SYNE2: variants seen among roughly 807,000 people sequenced by gnomAD.
The protein encoded by SYNE2 is spectrin repeat containing nuclear envelope protein 2.
SYNE2 carries 431 observed loss-of-function variants against 856.3 expected under a neutral mutation model. The ratio of observed to expected loss-of-function variants is 0.50; its 90% CI spans 0.47 to 0.55. The LOEUF (loss-of-function observed/expected upper bound fraction) is 0.55. Ranked by LOEUF, SYNE2 falls within the 20% of genes least tolerant of loss-of-function variation. SYNE2 has a pLI of 0.00. For synonymous variants in SYNE2, 2,923 were observed against 2,872.3 expected, an observed-to-expected ratio of 1.02 and a Z score of -0.56; for missense variants, 8,129 against 8,023.2, an observed-to-expected ratio of 1.01 and a Z score of -0.50.
intron 65 of SYNE2, among the ~76,000 whole-genome samples, chr14:64,110,701 T>TA (rs1471879735): frequency 6.7e-6 from 1 of 149,938 alleles, no homozygotes; most frequent in East Asian, 2.0e-4. Flanking sequence ...TGCTACTGTG[T>TA]AAAAAACAAG....
intron 57 of SYNE2, chr14:64,087,459 A>G (rs1027924793): frequency 2.8e-6 from 2 of 719,360 alleles, no homozygotes; most frequent in South Asian, 1.4e-5. Flanking sequence ...CCAAATATTT[A>G]TGTTTCTTAT....
chr14:63,864,135 C>CT (rs1381998771), intron 1 of SYNE2, among the ~76,000 whole-genome samples: 1 of 152,140 alleles, frequency 6.6e-6, no homozygotes, highest in South Asian at 2.1e-4. Flanking sequence ...ATTATTTGCA[C>CT]TTGTGTAATG....
intron 2 of SYNE2, among the ~76,000 whole-genome samples, chr14:63,910,156 G>C (rs1437360778): frequency 6.6e-6 from 1 of 152,174 alleles, no homozygotes; most frequent in Non-Finnish European, 1.5e-5. Flanking sequence ...GTAACTTTAA[G>C]ATTATGGGCA....
At chr14:63,840,328 G>A (rs1042896138) in intron 1 of SYNE2, among the ~76,000 whole-genome samples, 2 of 151,986 alleles carry the variant, frequency 1.3e-5, no homozygotes, top group Admixed American at 1.3e-4. Flanking sequence ...AAGCATTTTA[G>A]CATGGGAACT....
Position 63,995,089 on chromosome 14 carries a change from G to A in SYNE2, c.2827G>A (p.Asp943Asn). ...LSLYVQQLKI[D>N]IEKGKLSDNI... The stretch of plus-strand genomic sequence containing the variant: ...TTTATATGTTCAACAACTAAAAATA[G>A]ATATTGAAAAAGGAAAGCTTAGTGA... The change falls in exon 23 of 116, where the codon GAT (aspartate) becomes AAT (asparagine). Residue 943 changes from aspartate (D) to asparagine (N), a missense_variant. This residue lies in a region of SYNE2 where 2,422 missense variants were observed against 2,357.4 expected (regional missense o/e 1.03). Transcript: ENST00000555002. 6.3e-7 allele frequency: 1 copy of A among 1,575,032 alleles called. No homozygotes were observed. The highest frequency in any genetic ancestry group is 2.3e-5 in the East Asian group (1 of 44,376).
intron 70 of SYNE2, among the ~76,000 whole-genome samples, chr14:64,124,394 T>G (rs1457319639): frequency 7.0e-6 from 1 of 142,826 alleles, no homozygotes; most frequent in Non-Finnish European, 1.5e-5. Flanking sequence ...TTTTTTTTTT[T>G]TGCAGAGAAT....
rs1391009995 is a variant in SYNE2 at position 63,960,679 on chromosome 14, G to A, written c.788-846G>A. Reference sequence around the variant, plus strand: ...CACCTCCAAATTAGGTGTTCATTTTGTCTGTGACATATTGCATTCACCCTT... The same window carrying A: ...CACCTCCAAATTAGGTGTTCATTTTATCTGTGACATATTGCATTCACCCTT... On this transcript the variant is annotated intron_variant, in intron 8 of 115. Coordinates refer to ENST00000555002, the MANE Select transcript of SYNE2 (RefSeq NM_182914.3). The A allele has an allele frequency of 4.3e-6, 3 of 703,916 alleles. No homozygotes were observed. The East Asian group carries it at 7.6e-5, about 18-fold the overall frequency. The allele number at this position is 703,916 out of a possible 1,614,324, so 43.6% of individuals were successfully genotyped here.
At chr14:64,140,819 A>T (rs1216831889) in intron 80 of SYNE2, among the ~76,000 whole-genome samples, 1 of 151,878 alleles carries the variant, frequency 6.6e-6, no homozygotes, top group African/African-American at 2.4e-5. Flanking sequence ...AAAATGTATT[A>T]CTCTTGTAAT....
chr14:63,925,927 C>T (rs936535869), intron 2 of SYNE2, among the ~76,000 whole-genome samples: 2 of 152,066 alleles, frequency 1.3e-5, no homozygotes, highest in South Asian at 4.2e-4. Flanking sequence ...GATCTCGGCT[C>T]ACTGCATCCT....
rs2095254966 is a variant in SYNE2 at position 63,896,489 on chromosome 14, G to A, written c.-51-12609G>A. Among the ~76,000 whole-genome samples the A allele has an allele frequency of 2.0e-5, 3 of 152,224 alleles. No individual in the cohort carries two copies. In the South Asian group the frequency reaches 6.2e-4, roughly 32 times the overall value. ...GACTCTGTTTCAGGCATTCCTCTAT[G>A]AATATTGTTTCTTGTAATCCAGTGT... On this transcript the variant is annotated intron_variant, in intron 1 of 115. Coordinates refer to ENST00000555002, the MANE Select transcript of SYNE2 (RefSeq NM_182914.3).
chr14:63,844,980 C>T lies in SYNE2; in HGVS notation c.-304-7521C>T, dbSNP rs568213059. ...TCTTTGGAAATTTAGAATAATTCCT[C>T]ATGAAGCCATCTGGGCCTCATACTT... is the stretch of plus-strand genomic sequence containing the variant. On this transcript the variant is annotated intron_variant, in intron 1 of 23. Coordinates refer to the SYNE2 transcript ENST00000674003. Among the ~76,000 whole-genome samples, 11 of 152,304 alleles carry T rather than the reference C, an allele frequency of 7.2e-5. No homozygotes were observed. In the South Asian group the frequency reaches 1.9e-3, roughly 26 times the overall value.
intron 1 of SYNE2, among the ~76,000 whole-genome samples, chr14:63,779,600 G>A (rs968815847): frequency 3.3e-5 from 5 of 152,156 alleles, no homozygotes; most frequent in East Asian, 1.9e-4. Flanking sequence ...AGAAATCTTA[G>A]CGAATGCAAA....
intron 1 of SYNE2, among the ~76,000 whole-genome samples, chr14:63,894,512 C>T (rs563345740): frequency 6.6e-6 from 1 of 152,224 alleles, no homozygotes; most frequent in African/African-American, 2.4e-5. Flanking sequence ...TGAGCCACTG[C>T]ATCCGGCCAT....
At chr14:63,999,497 C>T (rs1279649763) in intron 27 of SYNE2, among the ~76,000 whole-genome samples, 3 of 152,136 alleles carry the variant, frequency 2.0e-5, no homozygotes, top group Admixed American at 6.6e-5. Flanking sequence ...ACAGTGATTG[C>T]TGACTGTCTG....
At chr14:63,884,212 G>T (rs2094929620) in intron 1 of SYNE2, among the ~76,000 whole-genome samples, 1 of 152,212 alleles carries the variant, frequency 6.6e-6, no homozygotes, top group Admixed American at 6.5e-5. Context: ...GACTTAGCAG[G>T]CCAGCGCTGC....
chr14:64,161,789 TAAAAA>T (rs1033263558), intron 87 of SYNE2, among the ~76,000 whole-genome samples: 1 of 151,952 alleles, frequency 6.6e-6, no homozygotes, highest in Non-Finnish European at 1.5e-5. Flanking sequence ...TCCCCTCTCT[TAAAAA>T]AAGAGAGTGA....
rs138789938 is a variant in SYNE2 at position 64,223,201 on chromosome 14, G to T, written c.20203G>T (p.Glu6735Ter). Residue 6735 changes from glutamate (E) to a stop codon, truncating the protein, a stop_gained, in exon 113 of 116, where the codon GAG becomes TAG. Transcript: ENST00000555002. LOFTEE classifies it high-confidence loss of function. ...CRRELMQLEK[E>*]LVERQPQVDM... Reference sequence around the variant, plus strand: ...TATCTGTTTTCAGCAACTGGAAAAGGAGCTGGTAGAACGTCAACCTCAAGT... The same window carrying T: ...TATCTGTTTTCAGCAACTGGAAAAGTAGCTGGTAGAACGTCAACCTCAAGT... 1.2e-6 allele frequency: 2 copies of T among 1,613,884 alleles called. No individual in the cohort carries two copies. Among genetic ancestry groups the T allele is most frequent in the East Asian group, 2.2e-5 (1 of 44,892 alleles).
At chr14:64,015,215 AT>A (rs1158985899) in intron 32 of SYNE2, among the ~76,000 whole-genome samples, 1 of 151,404 alleles carries the variant, frequency 6.6e-6, no homozygotes, top group Non-Finnish European at 1.5e-5. Context: ...CATAAAATTA[AT>A]TGGGAGTGTT....
intron 74 of SYNE2, among the ~76,000 whole-genome samples, chr14:64,128,792 GT>G (rs2097977817): frequency 1.3e-5 from 2 of 152,246 alleles, no homozygotes; most frequent in African/African-American, 4.8e-5. Flanking sequence ...TGTATGTCCA[GT>G]GTTGGTAAGG....
Sources: allele counts gnomAD v4.1 joint callset (sites outside exome capture counted in the v4.1 genomes callset), GRCh38; gene constraint gnomAD v4.1.1; regional missense constraint gnomAD v4.1.1; transcripts MANE v1.5; gene names NCBI Gene and HGNC (gene_info 2026-07-23, HGNC 2026-07-21).